MKX: variants seen among roughly 807,000 people sequenced by gnomAD.
MKX encodes the protein mohawk homeobox.
Under a neutral mutation model 36.0 loss-of-function variants are expected in MKX, and 13 were observed. That is an observed-to-expected ratio of 0.36 (90% confidence interval 0.24 to 0.57). MKX has a LOEUF of 0.57. Ranked by LOEUF, MKX falls within the 20% of genes least tolerant of loss-of-function variation. The pLI is 0.79. For synonymous variants in MKX, 176 were observed against 178.3 expected, an observed-to-expected ratio of 0.99 and a Z score of 0.10; for missense variants, 458 against 456.4, an observed-to-expected ratio of 1.00 and a Z score of -0.03.
intron 5 of MKX, among the ~76,000 whole-genome samples, chr10:27,696,633 T>C (rs1836559874): frequency 6.6e-6 from 1 of 152,152 alleles, no homozygotes; most frequent in South Asian, 2.1e-4. Context: ...GTAGCCATAA[T>C]ATGCAAAACA....
At chr10:27,691,336 C>T (rs547904442) in intron 5 of MKX, among the ~76,000 whole-genome samples, 6 of 152,222 alleles carry the variant, frequency 3.9e-5, no homozygotes, top group African/African-American at 1.4e-4. Flanking sequence ...GGTGAAGGGG[C>T]TACCCTATGA....
chr10:27,675,808 C>T (rs1836136672), intron 5 of MKX, among the ~76,000 whole-genome samples: 1 of 152,190 alleles, frequency 6.6e-6, no homozygotes, highest in Admixed American at 6.5e-5. Flanking sequence ...AAGTTATTTA[C>T]TCTGAGAAAT....
At chr10:27,675,968 A>T (rs1263535834) in intron 5 of MKX, among the ~76,000 whole-genome samples, 1 of 152,196 alleles carries the variant, frequency 6.6e-6, no homozygotes, top group African/African-American at 2.4e-5. Flanking sequence ...CAGTTCTCTA[A>T]CTATAAAATC....
At chr10:27,734,977 A>T (rs1834721443) in intron 4 of MKX, among the ~76,000 whole-genome samples, 186 bp from the exon 5 acceptor site, 1 of 152,170 alleles carries the variant, frequency 6.6e-6, no homozygotes, top group African/African-American at 2.4e-5. Context: ...CGCTTATGGT[A>T]TTTTAATTTT....
At position 27,741,078 on chromosome 10, in the gene MKX, T is replaced by C. The variant is rs771062958; in HGVS notation, c.348+267A>G. 1.2e-4 allele frequency among the ~76,000 whole-genome samples: 18 copies of C among 152,246 alleles called. No homozygotes were observed. The highest frequency in any genetic ancestry group is 2.2e-4 in the Non-Finnish European group (15 of 68,044). ...GTGTTTTAAGCTCTCCAGGCGATTC[T>C]GATGCTCACTAATGTTGAACCTTCT... On this transcript the variant is annotated intron_variant, in intron 3 of 6. Coordinates refer to ENST00000419761, the MANE Select transcript of MKX (RefSeq NM_173576.3). This position sits in a 1 kb window ranked among gnomAD's most constrained non-coding sequence, Gnocchi z 5.1.
rs2132479096 is a variant in MKX at position 27,673,918 on chromosome 10, T to C, written c.*1311A>G. Reference sequence around the variant, plus strand: ...ACATACCCAGAAAAAAAAAATCCCATCATAAAAAGTCAAACCCTTTTTACT... The same window carrying C: ...ACATACCCAGAAAAAAAAAATCCCACCATAAAAAGTCAAACCCTTTTTACT... On this transcript the variant is annotated 3_prime_UTR_variant, in exon 7 of 7. Transcript: ENST00000419761. The C allele has an allele frequency of 6.6e-6, 1 of 152,228 alleles. No individual in the cohort carries two copies. The highest frequency in any genetic ancestry group is 1.9e-4 in the East Asian group (1 of 5,174). The allele number at this position is 152,228 out of a possible 1,614,324, so 9.4% of individuals were successfully genotyped here. A position where few individuals can be genotyped will look rare whatever the true frequency, so the allele number is the denominator to read the frequency against.
At chr10:27,678,879 G>C (rs1836202035) in intron 5 of MKX, among the ~76,000 whole-genome samples, 1 of 152,160 alleles carries the variant, frequency 6.6e-6, no homozygotes, top group African/African-American at 2.4e-5. Context: ...GGGTGTATGT[G>C]TTTGACACTT....
chr10:27,742,237 A>T lies in MKX; in HGVS notation c.189-733T>A, dbSNP rs1222146568. 2.0e-5 allele frequency among the ~76,000 whole-genome samples: 3 copies of T among 152,168 alleles called. No individual in the cohort carries two copies. Among genetic ancestry groups the T allele is most frequent in the Non-Finnish European group, 4.4e-5 (3 of 68,024 alleles). On this transcript the variant is annotated intron_variant, in intron 2 of 6. Coordinates refer to ENST00000419761, the MANE Select transcript of MKX (RefSeq NM_173576.3). This position sits in a 1 kb window ranked among gnomAD's most constrained non-coding sequence, Gnocchi z 4.2. The stretch of plus-strand genomic sequence containing the variant: ...ATTCAAAGGGGGAGGAGGCAGAGGC[A>T]GCCAGGAGCCTGGAGCGTGGCCTGG...
intron 5 of MKX, among the ~76,000 whole-genome samples, chr10:27,712,983 AG>A (rs1308400076): frequency 6.6e-6 from 1 of 152,154 alleles, no homozygotes; most frequent in African/African-American, 2.4e-5. Flanking sequence ...CTGTGATGGA[AG>A]GTCCTCCTTC....
chr10:27,689,812 G>T (rs1564346847), intron 5 of MKX, among the ~76,000 whole-genome samples: 1 of 152,128 alleles, frequency 6.6e-6, no homozygotes, highest in Non-Finnish European at 1.5e-5. Context: ...GAAGAGACCG[G>T]TCACCCCTAC....
rs1337139883 is a variant in MKX at position 27,694,531 on chromosome 10, T to A, written c.839-18977A>T. On this transcript the variant is annotated intron_variant, in intron 5 of 6. Coordinates refer to ENST00000419761, the MANE Select transcript of MKX (RefSeq NM_173576.3). ...CCGTCTCTACTAAAAAAAAAAAATA[T>A]ATATATATATATAAATTAGCCGAGT... 1.5e-3 allele frequency among the ~76,000 whole-genome samples: 138 copies of A among 93,176 alleles called. 2 individuals are homozygous for A. Among genetic ancestry groups the A allele is most frequent in the African/African-American group, 4.0e-3 (95 of 23,930 alleles). 61.1% of individuals were successfully genotyped at this position (93,176 alleles called of 152,430 possible).
chr10:27,679,877 T>C (rs1490960287), intron 5 of MKX, among the ~76,000 whole-genome samples: 1 of 152,060 alleles, frequency 6.6e-6, no homozygotes, highest in African/African-American at 2.4e-5. Flanking sequence ...CTGGCTCAAG[T>C]GTGCTGTGTG....
At chr10:27,682,992 A>AAAAAG (rs199711837) in intron 5 of MKX, among the ~76,000 whole-genome samples, 58 of 151,978 alleles carry the variant, frequency 3.8e-4, no homozygotes, top group African/African-American at 6.3e-4. Flanking sequence ...TCGAAAAAAA[A>AAAAAG]AAAAGAAAAG....
At chr10:27,690,500 A>G (rs1274528184) in intron 5 of MKX, among the ~76,000 whole-genome samples, 1 of 152,222 alleles carries the variant, frequency 6.6e-6, no homozygotes, top group Non-Finnish European at 1.5e-5. Context: ...GATTTGTGGG[A>G]ACATAGTGGA....
chr10:27,718,243 G>A (rs1186788681), intron 5 of MKX, among the ~76,000 whole-genome samples: 1 of 151,994 alleles, frequency 6.6e-6, no homozygotes, highest in Non-Finnish European at 1.5e-5. Flanking sequence ...AATAATGAAG[G>A]TATTAGAGGA....
At position 27,690,152 on chromosome 10, in the gene MKX, C is replaced by A. The variant is rs1836427112; in HGVS notation, c.839-14598G>T. Among the ~76,000 whole-genome samples, 3 of 152,276 alleles carry A rather than the reference C, an allele frequency of 2.0e-5. No homozygotes were observed. In the South Asian group the frequency reaches 6.2e-4, roughly 32 times the overall value. On this transcript the variant is annotated intron_variant, in intron 5 of 6. Coordinates refer to ENST00000419761, the MANE Select transcript of MKX (RefSeq NM_173576.3). ...CTTTGGGAGGCCGAGGCCAGCAGAT[C>A]ACGAGGTCAGGAGTTGAAGATCAGA...
chr10:27,693,853 T>C (rs1374958115), intron 5 of MKX, among the ~76,000 whole-genome samples: 2 of 152,226 alleles, frequency 1.3e-5, no homozygotes, highest in African/African-American at 4.8e-5. Context: ...AAATCTCATC[T>C]TGAATTGTAG....
chr10:27,677,990 A>ATATGAGGAAAAG (rs1411581614), intron 5 of MKX, among the ~76,000 whole-genome samples: 1 of 152,210 alleles, frequency 6.6e-6, no homozygotes, highest in Non-Finnish European at 1.5e-5. Flanking sequence ...TAACTCATGT[A>ATATGAGGAAAAG]AATGCAGGAA....
At chr10:27,677,055 G>A (rs2815552) in intron 5 of MKX, among the ~76,000 whole-genome samples, 5 of 151,894 alleles carry the variant, frequency 3.3e-5, no homozygotes, top group Admixed American at 2.6e-4. Context: ...AGGGTGGTAG[G>A]AGAGAGGCTA....
Sources: allele counts gnomAD v4.1 joint callset (sites outside exome capture counted in the v4.1 genomes callset), GRCh38; gene constraint gnomAD v4.1.1; non-coding constraint Gnocchi (gnomAD v3.1); transcripts MANE v1.5; gene names NCBI Gene and HGNC (gene_info 2026-07-23, HGNC 2026-07-21).